TNR: variants seen among roughly 807,000 people sequenced by gnomAD.
TNR encodes the protein tenascin-R.
TNR carries 45 observed loss-of-function variants against 150.4 expected under a neutral mutation model. The ratio of observed to expected loss-of-function variants is 0.30; its 90% CI spans 0.24 to 0.38. The LOEUF (loss-of-function observed/expected upper bound fraction) is 0.38. Ranked by LOEUF, TNR falls within the 10% of genes least tolerant of loss-of-function variation. TNR has a pLI of 1.00. For missense variants in TNR, 1,544 were observed against 1,759.1 expected, an observed-to-expected ratio of 0.88 and a Z score of 2.19; for synonymous variants, 687 against 678.4, an observed-to-expected ratio of 1.01 and a Z score of -0.20.
At chr1:175,675,161 C>T (rs1005412595) in intron 1 of TNR, among the ~76,000 whole-genome samples, 1 of 152,240 alleles carries the variant, frequency 6.6e-6, no homozygotes, top group Non-Finnish European at 1.5e-5. Flanking sequence ...AGACAAGGAC[C>T]TCTCTTAGCT....
chr1:175,539,603 G>A (rs1660422550), intron 1 of TNR, among the ~76,000 whole-genome samples: 1 of 152,218 alleles, frequency 6.6e-6, no homozygotes, highest in African/African-American at 2.4e-5. Flanking sequence ...TGAAGTTGAA[G>A]GGAAACACAG....
intron 2 of TNR, among the ~76,000 whole-genome samples, chr1:175,484,085 T>C (rs1031723144): frequency 6.6e-6 from 1 of 152,218 alleles, no homozygotes; most frequent in African/African-American, 2.4e-5. Flanking sequence ...CACTGTGCAG[T>C]GCACACAGAA....
intron 2 of TNR, among the ~76,000 whole-genome samples, chr1:175,507,862 C>G (rs1659022370): frequency 6.6e-6 from 1 of 152,226 alleles, no homozygotes; most frequent in Non-Finnish European, 1.5e-5. Context: ...TCTAGCACAT[C>G]AGTGATGCAA....
intron 2 of TNR, among the ~76,000 whole-genome samples, chr1:175,518,282 G>A (rs1027395198): frequency 2.0e-5 from 3 of 152,188 alleles, no homozygotes; most frequent in Admixed American, 6.5e-5. Flanking sequence ...CCTTGTACAA[G>A]CAAGAGCAGC....
At position 175,671,166 on chromosome 1, in the gene TNR, G is replaced by A. The variant is rs117695140; in HGVS notation, c.-165+72060C>T. On this transcript the variant is annotated intron_variant, in intron 1 of 22. Transcript: ENST00000367674. ...CTGGCCAAAGTTGAGCCCACTGAGG[G>A]TGAGAGGTGCAGGCTTGGGGGAAAG... is the stretch of plus-strand genomic sequence containing the variant. Among the ~76,000 whole-genome samples the A allele has an allele frequency of 3.9e-4, 59 of 152,292 alleles. No individual in the cohort carries two copies. In the East Asian group the frequency reaches 0.011, roughly 29 times the overall value.
chr1:175,707,675 C>T (rs1392450568), intron 1 of TNR, among the ~76,000 whole-genome samples: 1 of 152,076 alleles, frequency 6.6e-6, no homozygotes, highest in Non-Finnish European at 1.5e-5. Context: ...TTTTTAAAAC[C>T]CAACTTGTTC....
chr1:175,365,227 C>T lies in TNR; in HGVS notation c.2370G>A (p.Val790=). The T allele has an allele frequency of 2.5e-6, 4 of 1,613,950 alleles. No individual in the cohort carries two copies. The highest frequency in any genetic ancestry group is 3.4e-6 in the Non-Finnish European group (4 of 1,179,930). The change falls in exon 12 of 23, where the codon GTG becomes GTA. Residue 790 remains valine (V), a synonymous_variant. Coordinates refer to ENST00000367674, the MANE Select transcript of TNR (RefSeq NM_003285.3). ...LHFSHVTSSS[V]NITWSDPSPP... The stretch of plus-strand genomic sequence containing the variant: ...GAGATGGATCACTCCAAGTGATGTT[C>T]ACACTGGAGGAGGTCACATGAGAAA...
intron 20 of TNR, among the ~76,000 whole-genome samples, chr1:175,331,066 TTTC>T (rs1649808629): frequency 4.0e-5 from 4 of 99,958 alleles, no homozygotes; most frequent in African/African-American, 1.8e-4. Context: ...TCTTTCTTTC[TTTC>T]TTTCTTTCCT....
chr1:175,535,447 TTTGTTG>T (rs138597544), intron 1 of TNR, among the ~76,000 whole-genome samples: 16,024 of 148,084 alleles, frequency 0.11, 1,126 homozygotes, highest in Non-Finnish European at 0.16. Flanking sequence ...TTATTTATTT[TTTGTTG>T]TTGTTGTTGT....
intron 2 of TNR, among the ~76,000 whole-genome samples, chr1:175,526,529 G>A (rs529803760): frequency 1.6e-4 from 24 of 152,258 alleles, no homozygotes; most frequent in African/African-American, 4.6e-4. Flanking sequence ...AAAGTAGTAC[G>A]GTACTTCAAA....
chr1:175,602,275 T>C (rs1186774394), intron 1 of TNR, among the ~76,000 whole-genome samples: 3 of 150,820 alleles, frequency 2.0e-5, no homozygotes. Flanking sequence ...ATCTACTCAT[T>C]CCTCTCTATA....
intron 2 of TNR, among the ~76,000 whole-genome samples, chr1:175,488,849 G>A (rs2102136601): frequency 6.6e-6 from 1 of 152,362 alleles, no homozygotes; most frequent in South Asian, 2.1e-4. Flanking sequence ...AAGGGTTGTG[G>A]AATAGGTGAG....
At chr1:175,337,792 A>G (rs1473725851) in intron 18 of TNR, 113 bp from the exon 19 acceptor site, 1 of 1,258,826 alleles carries the variant, frequency 7.9e-7, no homozygotes, top group African/African-American at 1.5e-5. Context: ...CAACAGCTGT[A>G]AGAAATCCTC....
chr1:175,657,768 T>TGTG (rs1264905807), intron 1 of TNR, among the ~76,000 whole-genome samples: 1 of 66,914 alleles, frequency 1.5e-5, no homozygotes, highest in African/African-American at 6.1e-5. Context: ...TGGGGCCTGT[T>TGTG]GTGGGGTGGG....
At chr1:175,502,463 C>T (rs1196710305) in intron 2 of TNR, among the ~76,000 whole-genome samples, 1 of 152,144 alleles carries the variant, frequency 6.6e-6, no homozygotes, top group African/African-American at 2.4e-5. Flanking sequence ...ACTCGGGGCT[C>T]CTTGCCTCAA....
rs1648959754 is a variant in TNR at position 175,320,120 on chromosome 1, C to T, written c.*3237G>A. The T allele has an allele frequency of 6.6e-6, 1 of 152,302 alleles. No homozygotes were observed. Among genetic ancestry groups the T allele is most frequent in the South Asian group, 2.1e-4 (1 of 4,834 alleles). The allele number at this position is 152,302 out of a possible 1,614,324, so 9.4% of individuals were successfully genotyped here. On this transcript the variant is annotated 3_prime_UTR_variant, in exon 23 of 23. Transcript: ENST00000367674. ...TGATGTGTCTGTAGTTAAACAGCCT[C>T]TGAGAAGGGTCTACCTCGATTCCTT...
intron 12 of TNR, among the ~76,000 whole-genome samples, chr1:175,364,766 G>A (rs185247594): frequency 6.6e-6 from 1 of 152,274 alleles, no homozygotes; most frequent in East Asian, 1.9e-4. Context: ...TTGGACAAAT[G>A]CATTCAAGCT....
Position 175,323,282 on chromosome 1 carries a change from C to T in TNR, c.*75G>A. 6.3e-7 allele frequency: 1 copy of T among 1,576,388 alleles called. No homozygotes were observed. ...ATGTTGCAAAACACATTGCTATTAC[C>T]CTCCCCCCTTGTTTCATATTATAAA... On this transcript the variant is annotated 3_prime_UTR_variant, in exon 23 of 23. Coordinates refer to ENST00000367674, the MANE Select transcript of TNR (RefSeq NM_003285.3).
intron 2 of TNR, among the ~76,000 whole-genome samples, chr1:175,416,740 G>A (rs945919926): frequency 7.9e-5 from 12 of 152,138 alleles, no homozygotes; most frequent in Non-Finnish European, 1.3e-4. Context: ...CGGGTGCGGT[G>A]GCTCACGCCT....
Sources: allele counts gnomAD v4.1 joint callset (sites outside exome capture counted in the v4.1 genomes callset), GRCh38; gene constraint gnomAD v4.1.1; transcripts MANE v1.5; gene names NCBI Gene and HGNC (gene_info 2026-07-23, HGNC 2026-07-21).